The following SLC16A10 variants were observed in gnomAD, a reference collection of about 807,000 sequenced individuals.
SLC16A10 encodes the protein solute carrier family 16 member 10.
A neutral mutation model predicts 40.0 loss-of-function variants in SLC16A10; 27 were observed. The observed-to-expected ratio is 0.67, with a 90% CI of 0.50 to 0.93. The LOEUF is 0.93. Ranked by LOEUF, SLC16A10 falls within the 40% of genes least tolerant of loss-of-function variation. The pLI, the probability that SLC16A10 is intolerant of heterozygous loss-of-function variation, is 0.00. For synonymous variants in SLC16A10, 213 were observed against 249.8 expected, an observed-to-expected ratio of 0.85 and a Z score of 1.39; for missense variants, 529 against 658.2, an observed-to-expected ratio of 0.80 and a Z score of 2.15.
chr6:111,192,707 A>G (rs1299125473), intron 3 of SLC16A10, among the ~76,000 whole-genome samples: 2 of 152,182 alleles, frequency 1.3e-5, no homozygotes, highest in African/African-American at 4.8e-5. Context: ...AGGCCTCACA[A>G]TCATGGTGGA....
chr6:111,119,368 A>C (rs1480922409), intron 1 of SLC16A10, among the ~76,000 whole-genome samples: 1 of 152,246 alleles, frequency 6.6e-6, no homozygotes, highest in Non-Finnish European at 1.5e-5. Flanking sequence ...TCATACAACA[A>C]GTAAACAAAT....
At chr6:111,152,995 A>G (rs933776784) in intron 1 of SLC16A10, among the ~76,000 whole-genome samples, 3 of 152,182 alleles carry the variant, frequency 2.0e-5, no homozygotes, top group African/African-American at 7.2e-5. Context: ...TGCACAGGGT[A>G]AAGAACTTTG....
intron 3 of SLC16A10, among the ~76,000 whole-genome samples, chr6:111,190,456 G>T (rs1433351943): frequency 1.3e-5 from 2 of 152,240 alleles, no homozygotes; most frequent in African/African-American, 2.4e-5. Context: ...CCACTAGGCA[G>T]TGCCCCACTG....
In SLC16A10 at chr6:111,229,746, G is replaced by A. The variant is rs1456743097; in HGVS notation, c.*7511G>A. The A allele has an allele frequency of 6.6e-6, 1 of 152,200 alleles. No homozygotes were observed. The highest frequency in any genetic ancestry group is 6.5e-5 in the Admixed American group (1 of 15,270). 9.4% of individuals were successfully genotyped at this position (152,200 alleles called of 1,614,324 possible). A position where few individuals can be genotyped will look rare whatever the true frequency, so the allele number is the denominator to read the frequency against. ...CTGGGTCACTGTCAGCAAATCTCAG[G>A]TCTATGATTTATCAAGGGCTCTCAG... On this transcript the variant is annotated 3_prime_UTR_variant, in exon 6 of 6. Coordinates refer to ENST00000368851, the MANE Select transcript of SLC16A10 (RefSeq NM_018593.5).
intron 1 of SLC16A10, among the ~76,000 whole-genome samples, chr6:111,163,585 G>A (rs1772416068): frequency 6.6e-6 from 1 of 151,812 alleles, no homozygotes; most frequent in South Asian, 2.1e-4. Context: ...TTTTATTTTG[G>A]CAATCCCACA....
chr6:111,170,683 A>T (rs1196847254), intron 1 of SLC16A10, among the ~76,000 whole-genome samples: 1 of 152,130 alleles, frequency 6.6e-6, no homozygotes, highest in East Asian at 1.9e-4. Context: ...TCCTGACCTC[A>T]GGTGATCAGC....
At chr6:111,146,295 A>C (rs1315619525) in intron 1 of SLC16A10, among the ~76,000 whole-genome samples, 2 of 152,192 alleles carry the variant, frequency 1.3e-5, no homozygotes, top group African/African-American at 2.4e-5. Context: ...ACAATAACAA[A>C]TGTTGGCAAG....
chr6:111,109,424 A>T (rs1341884518), intron 1 of SLC16A10, among the ~76,000 whole-genome samples: 1 of 150,156 alleles, frequency 6.7e-6, no homozygotes, highest in African/African-American at 2.4e-5. Context: ...TTTTATTACT[A>T]AGTAGTATTC....
chr6:111,206,178 G>C (rs1773249913), intron 3 of SLC16A10, among the ~76,000 whole-genome samples: 1 of 149,166 alleles, frequency 6.7e-6, no homozygotes, highest in African/African-American at 2.6e-5. Context: ...CCGGGTTCAA[G>C]CTATTCTCCT....
intron 1 of SLC16A10, among the ~76,000 whole-genome samples, chr6:111,149,389 A>G (rs764388000): frequency 2.6e-5 from 4 of 152,204 alleles, no homozygotes; most frequent in Non-Finnish European, 5.9e-5. Flanking sequence ...TATTCCTGGT[A>G]GTGTCATTCT....
At chr6:111,173,058 A>T (rs940393229) in intron 2 of SLC16A10, among the ~76,000 whole-genome samples, 4 of 152,188 alleles carry the variant, frequency 2.6e-5, no homozygotes, top group African/African-American at 7.2e-5. Flanking sequence ...CTTAGACATC[A>T]ATCAGGATAT....
At chr6:111,104,852 A>T (rs992317736) in intron 1 of SLC16A10, among the ~76,000 whole-genome samples, 2 of 152,008 alleles carry the variant, frequency 1.3e-5, no homozygotes, top group Non-Finnish European at 1.5e-5. Context: ...GTATGGCCGC[A>T]CTGAGATGGC....
chr6:111,206,705 T>C lies in SLC16A10; in HGVS notation c.1056T>C (p.Tyr352=). 1 of 1,614,252 alleles carries C rather than the reference T, an allele frequency of 6.2e-7. No individual in the cohort carries two copies. Among genetic ancestry groups the C allele is most frequent in the Non-Finnish European group, 8.5e-7 (1 of 1,180,052 alleles). ...TGCTCTTTGGCCGGATTGCAGATTA[T>C]GTGCCTGGTGTGAAGAAGGTTTATC... ...GRLLFGRIAD[Y]VPGVKKVYLQ... The change falls in exon 4 of 6, where the codon TAT becomes TAC. Residue 352 remains tyrosine (Y), a synonymous_variant. Transcript: ENST00000368851.
rs146984579 is a variant in SLC16A10, at chr6:111,219,099, T to C, written c.1315+57T>C. The C allele has an allele frequency of 4.1e-6, 6 of 1,468,454 alleles. No individual in the cohort carries two copies. In the East Asian group the frequency reaches 1.4e-4, roughly 35 times the overall value. The allele number at this position is 1,468,454 out of a possible 1,614,324, so 91.0% of individuals were successfully genotyped here. ...AATTCATAGTATTTTCTACTTCAGG[T>C]CTTAATTAAGTCTCATTTATATGTA... On this transcript the variant is annotated intron_variant, in intron 5 of 5. Transcript: ENST00000368851.
At chr6:111,104,970 C>T (rs183789401) in intron 1 of SLC16A10, among the ~76,000 whole-genome samples, 4 of 151,202 alleles carry the variant, frequency 2.6e-5, no homozygotes, top group Admixed American at 2.6e-4. Flanking sequence ...TTCAGATTTG[C>T]GTCTTCCCAA....
chr6:111,100,992 CTATATATATATATA>C (rs71021826), intron 1 of SLC16A10, among the ~76,000 whole-genome samples: 3 of 66,424 alleles, frequency 4.5e-5, no homozygotes, highest in African/African-American at 1.9e-4. Flanking sequence ...CTCTCTCTCT[CTATATATATATATA>C]TATATATATA....
At chr6:111,219,713 G>A (rs900659037) in intron 5 of SLC16A10, among the ~76,000 whole-genome samples, 1 of 151,756 alleles carries the variant, frequency 6.6e-6, no homozygotes, top group Non-Finnish European at 1.5e-5. Context: ...ATAAAAAGGA[G>A]TAAGGTACAG....
chr6:111,134,867 C>T (rs544989779), intron 1 of SLC16A10, among the ~76,000 whole-genome samples: 2 of 152,288 alleles, frequency 1.3e-5, no homozygotes, highest in South Asian at 4.1e-4. Flanking sequence ...CATGCCATCA[C>T]CCTCACAGAG....
chr6:111,119,853 T>C (rs1034328415), intron 1 of SLC16A10, among the ~76,000 whole-genome samples: 3 of 152,258 alleles, frequency 2.0e-5, no homozygotes, highest in Non-Finnish European at 4.4e-5. Context: ...ACTGGCAGGC[T>C]TGCTGGTCTT....
Sources: allele counts gnomAD v4.1 joint callset (sites outside exome capture counted in the v4.1 genomes callset), GRCh38; gene constraint gnomAD v4.1.1; transcripts MANE v1.5; gene names NCBI Gene and HGNC (gene_info 2026-07-23, HGNC 2026-07-21).